GALNTL6: variants seen among roughly 807,000 people sequenced by gnomAD.
The protein encoded by GALNTL6 is polypeptide N-acetylgalactosaminyltransferase-like 6.
A neutral mutation model predicts 73.7 loss-of-function variants in GALNTL6; 46 were observed. The observed-to-expected ratio is 0.62, with a 90% confidence interval of 0.49 to 0.80. GALNTL6 has a LOEUF of 0.80. GALNTL6 is among the 30% of genes least tolerant of loss of function. The probability of loss-of-function intolerance (pLI) is 0.00; values close to 1 mark genes in which losing one functional copy is unlikely to be tolerated. For missense variants in GALNTL6, 604 were observed against 755.0 expected, an observed-to-expected ratio of 0.80 and a Z score of 2.34; for synonymous variants, 259 against 263.7, an observed-to-expected ratio of 0.98 and a Z score of 0.17.
chr4:172,012,950 T>TAC (rs555266217), intron 2 of GALNTL6, among the ~76,000 whole-genome samples: 83 of 152,196 alleles, frequency 5.5e-4, no homozygotes, highest in African/African-American at 1.9e-3. Flanking sequence ...CCCTGTGTTG[T>TAC]CACTCTCCTC....
At chr4:171,972,073 A>G (rs1289874312) in intron 2 of GALNTL6, among the ~76,000 whole-genome samples, 1 of 152,138 alleles carries the variant, frequency 6.6e-6, no homozygotes, top group African/African-American at 2.4e-5. Flanking sequence ...CCATTGTGTG[A>G]GCATTATTTC....
intron 7 of GALNTL6, among the ~76,000 whole-genome samples, chr4:172,826,901 A>G (rs12511411): frequency 0.086 from 13,112 of 152,250 alleles, 698 homozygotes; most frequent in East Asian, 0.21. Flanking sequence ...TTTCCTTTCC[A>G]AACTGCTCTG....
At chr4:172,378,873 T>G (rs1345831491) in intron 5 of GALNTL6, among the ~76,000 whole-genome samples, 1 of 152,158 alleles carries the variant, frequency 6.6e-6, no homozygotes, top group Admixed American at 6.5e-5. Context: ...GAAGTTAATT[T>G]TATTAAGTGT....
chr4:171,836,596 A>G (rs992069633), intron 2 of GALNTL6, among the ~76,000 whole-genome samples: 1 of 152,094 alleles, frequency 6.6e-6, no homozygotes, highest in Non-Finnish European at 1.5e-5. Context: ...ATATGATATG[A>G]TTGTATTATT....
intron 2 of GALNTL6, among the ~76,000 whole-genome samples, chr4:172,045,379 A>T (rs1477278028): frequency 1.3e-5 from 2 of 152,110 alleles, no homozygotes; most frequent in Non-Finnish European, 2.9e-5. Context: ...TTGAGAATTT[A>T]TATATTTAAA....
intron 5 of GALNTL6, among the ~76,000 whole-genome samples, chr4:172,427,650 A>G (rs1731280969): frequency 6.6e-6 from 1 of 152,092 alleles, no homozygotes; most frequent in Non-Finnish European, 1.5e-5. Flanking sequence ...AATAATAAAT[A>G]GGGACCAACA....
At chr4:172,465,089 C>A (rs1000321651) in intron 5 of GALNTL6, among the ~76,000 whole-genome samples, 1 of 152,146 alleles carries the variant, frequency 6.6e-6, no homozygotes, top group African/African-American at 2.4e-5. Context: ...TCTTTGACAT[C>A]TTTTACTTTG....
chr4:172,363,308 A>C (rs945889412), intron 5 of GALNTL6, among the ~76,000 whole-genome samples: 1 of 152,162 alleles, frequency 6.6e-6, no homozygotes, highest in Non-Finnish European at 1.5e-5. Context: ...AAAGAGAATA[A>C]CATCTTCAGC....
intron 5 of GALNTL6, among the ~76,000 whole-genome samples, chr4:172,744,957 T>G (rs894584978): frequency 2.0e-5 from 3 of 152,066 alleles, no homozygotes; most frequent in Non-Finnish European, 4.4e-5. Context: ...CCATTCAATA[T>G]TGTTTCATGT....
intron 2 of GALNTL6, among the ~76,000 whole-genome samples, chr4:171,978,913 C>A (rs1472231183): frequency 1.3e-5 from 2 of 152,054 alleles, no homozygotes; most frequent in Non-Finnish European, 2.9e-5. Flanking sequence ...AATAAGAGAT[C>A]TCTTCATTGA....
chr4:172,854,386 CAAAAA>C (rs1270315165), intron 7 of GALNTL6, among the ~76,000 whole-genome samples: 4 of 152,056 alleles, frequency 2.6e-5, no homozygotes, highest in African/African-American at 7.2e-5. Flanking sequence ...AGTTTGAATT[CAAAAA>C]AATCTTTATT....
At chr4:172,912,728 G>C (rs986872234) in intron 8 of GALNTL6, among the ~76,000 whole-genome samples, 5 of 152,210 alleles carry the variant, frequency 3.3e-5, no homozygotes, top group Non-Finnish European at 7.3e-5. Flanking sequence ...AGCTTGAACT[G>C]GGTGGAGCCC....
chr4:172,984,835 G>T (rs908386090), intron 10 of GALNTL6, among the ~76,000 whole-genome samples: 4 of 152,110 alleles, frequency 2.6e-5, no homozygotes, highest in African/African-American at 7.2e-5. Flanking sequence ...TGTAAAGGAA[G>T]TTATAATTGC....
intron 8 of GALNTL6, among the ~76,000 whole-genome samples, chr4:172,892,190 G>T: frequency 6.6e-6 from 1 of 152,194 alleles, no homozygotes; most frequent in East Asian, 1.9e-4. Context: ...GGGAGCTAGT[G>T]CAATCCTTTG....
rs1463303128 is a variant in GALNTL6, at chr4:171,814,450, G to A, written c.-131G>A. On this transcript the variant is annotated 5_prime_UTR_variant, in exon 2 of 13. Transcript: ENST00000506823. ...TCTGAATCCTGCAGATTGGTGCTGA[G>A]CACGCAACAAAAGTTTGTAGCTTCT... is the stretch of plus-strand genomic sequence containing the variant. The A allele has an allele frequency of 2.1e-5, 18 of 875,852 alleles. No individual in the cohort carries two copies. In the Middle Eastern group the frequency reaches 1.7e-3, roughly 80 times the overall value. 54.3% of individuals were successfully genotyped at this position (875,852 alleles called of 1,614,324 possible). A position where few individuals can be genotyped will look rare whatever the true frequency, so the allele number is the denominator to read the frequency against.
At chr4:172,979,048 G>A (rs1253284747) in intron 10 of GALNTL6, among the ~76,000 whole-genome samples, 8 of 152,226 alleles carry the variant, frequency 5.3e-5, no homozygotes, top group Admixed American at 4.6e-4. Flanking sequence ...GGTACATGAC[G>A]AGTAATCAAC....
chr4:172,382,126 C>G (rs1330763349), intron 5 of GALNTL6, among the ~76,000 whole-genome samples: 1 of 152,144 alleles, frequency 6.6e-6, no homozygotes, highest in African/African-American at 2.4e-5. Context: ...AATCACCATG[C>G]CTGGCTAATT....
At chr4:171,967,504 A>G (rs2111058155) in intron 2 of GALNTL6, among the ~76,000 whole-genome samples, 1 of 134,820 alleles carries the variant, frequency 7.4e-6, no homozygotes, top group African/African-American at 2.8e-5. Flanking sequence ...TCTCAGAGAA[A>G]ATATATTGAA....
At chr4:172,704,426 A>T (rs1316506830) in intron 5 of GALNTL6, among the ~76,000 whole-genome samples, 1 of 151,212 alleles carries the variant, frequency 6.6e-6, no homozygotes, top group Admixed American at 6.6e-5. Context: ...CATTTTTTTT[A>T]ATTTCCTTTT....
Sources: allele counts gnomAD v4.1 joint callset (sites outside exome capture counted in the v4.1 genomes callset), GRCh38; gene constraint gnomAD v4.1.1; transcripts MANE v1.5; gene names NCBI Gene and HGNC (gene_info 2026-07-23, HGNC 2026-07-21).